PLCB1: variants seen among roughly 807,000 people sequenced by gnomAD.
PLCB1 encodes 1-phosphatidylinositol 4,5-bisphosphate phosphodiesterase beta-1.
A neutral mutation model predicts 161.8 loss-of-function variants in PLCB1; 46 were observed. The observed-to-expected ratio is 0.28, with a 90% confidence interval of 0.22 to 0.36. The LOEUF (loss-of-function observed/expected upper bound fraction) is 0.36. PLCB1 is among the 10% of genes least tolerant of loss of function. PLCB1 has a pLI of 1.00. For synonymous variants in PLCB1, 517 were observed against 503.7 expected (o/e 1.03, Z -0.35); for missense variants, 1,016 against 1,472.5 (o/e 0.69, Z 5.07).
intron 3 of PLCB1, among the ~76,000 whole-genome samples, chr20:8,518,600 G>A (rs1984229876): frequency 6.6e-6 from 1 of 151,862 alleles, no homozygotes. Flanking sequence ...GTACTTATTG[G>A]GCATCTACTA....
chr20:8,517,620 A>G (rs1014979073), intron 3 of PLCB1, among the ~76,000 whole-genome samples: 1 of 152,162 alleles, frequency 6.6e-6, no homozygotes, highest in African/African-American at 2.4e-5. Flanking sequence ...ATTGTAACCT[A>G]AAACTCTGGG....
chr20:8,562,385 G>A (rs985107228), intron 3 of PLCB1, among the ~76,000 whole-genome samples: 1 of 152,118 alleles, frequency 6.6e-6, no homozygotes, highest in Non-Finnish European at 1.5e-5. Context: ...ACAGTAAGCA[G>A]TACTTTGCCT....
intron 1 of PLCB1, among the ~76,000 whole-genome samples, chr20:8,149,068 A>G (rs1309791920): frequency 6.6e-6 from 1 of 152,204 alleles, no homozygotes; most frequent in African/African-American, 2.4e-5. Flanking sequence ...AGTAAATGTT[A>G]TGTTCTGTAT....
At chr20:8,750,342 G>A (rs1981390947) in intron 23 of PLCB1, among the ~76,000 whole-genome samples, 1 of 152,140 alleles carries the variant, frequency 6.6e-6, no homozygotes, top group Admixed American at 6.5e-5. Flanking sequence ...GCTCATTAAA[G>A]CTGTCTCTTG....
chr20:8,788,144 C>A (rs1447941385), intron 27 of PLCB1, among the ~76,000 whole-genome samples: 2 of 152,172 alleles, frequency 1.3e-5, no homozygotes, highest in African/African-American at 4.8e-5. Context: ...GAGATTGGAA[C>A]CAGGTTCTAC....
At chr20:8,460,017 C>T (rs1419151492) in intron 3 of PLCB1, among the ~76,000 whole-genome samples, 2 of 152,182 alleles carry the variant, frequency 1.3e-5, no homozygotes, top group South Asian at 2.1e-4. Flanking sequence ...GTTTTGTCCA[C>T]CTGAACCAGT....
chr20:8,268,339 G>A (rs575208881), intron 2 of PLCB1, among the ~76,000 whole-genome samples: 58 of 152,196 alleles, frequency 3.8e-4, no homozygotes, highest in Non-Finnish European at 7.5e-4. Flanking sequence ...GTATATATGT[G>A]CCACATTTTC....
rs1222914240 is a variant in PLCB1 at position 8,658,649 on chromosome 20, G to C, written c.807G>C (p.Glu269Asp). Residue 269 changes from glutamate (E) to aspartate (D), a missense_variant, in exon 9 of 32, where the codon GAG (glutamate) becomes GAC (aspartate). By Grantham distance (45) the Glu-to-Asp change is conservative. This residue lies in a region of PLCB1 where 117 missense variants were observed against 142.2 expected (regional missense o/e 0.82). Transcript: ENST00000338037. ...NEILYPPLKQ[E>D]QVQVLIEKYE... The stretch of plus-strand genomic sequence containing the variant: ...TACTTTATCCACCTCTAAAACAAGA[G>C]CAAGTCCAAGTATTGATTGAGAAGT... The C allele has an allele frequency of 6.2e-7, 1 of 1,612,942 alleles. No individual in the cohort carries two copies. The highest frequency in any genetic ancestry group is 2.2e-5 in the East Asian group (1 of 44,848).
At chr20:8,406,867 T>C (rs1423990184) in intron 3 of PLCB1, among the ~76,000 whole-genome samples, 4 of 152,178 alleles carry the variant, frequency 2.6e-5, no homozygotes, top group African/African-American at 9.7e-5. Context: ...TTTTAATGAA[T>C]TGTTAGAATG....
intron 31 of PLCB1, among the ~76,000 whole-genome samples, chr20:8,820,252 CAT>C (rs1985276574): frequency 2.7e-5 from 4 of 148,140 alleles, no homozygotes; most frequent in Non-Finnish European, 5.9e-5. Flanking sequence ...TATATTATAA[CAT>C]AGTATTATAT....
intron 3 of PLCB1, among the ~76,000 whole-genome samples, chr20:8,461,015 A>G (rs942909573): frequency 6.6e-5 from 10 of 152,188 alleles, no homozygotes; most frequent in Admixed American, 6.5e-4. Flanking sequence ...GTTAATGAGT[A>G]TTTGAAATGT....
At chr20:8,828,510 C>T (rs541643933) in intron 31 of PLCB1, among the ~76,000 whole-genome samples, 14 of 152,332 alleles carry the variant, frequency 9.2e-5, no homozygotes, top group Non-Finnish European at 1.9e-4. Flanking sequence ...ACAACCATCT[C>T]TTCTCATCTC....
intron 2 of PLCB1, among the ~76,000 whole-genome samples, chr20:8,208,744 G>A (rs1287740977): frequency 1.4e-5 from 2 of 143,110 alleles, no homozygotes; most frequent in Non-Finnish European, 3.0e-5. Flanking sequence ...AATTATAGAT[G>A]AGGATGATAG....
intron 3 of PLCB1, among the ~76,000 whole-genome samples, chr20:8,448,878 T>A (rs1436189793): frequency 6.6e-6 from 1 of 152,146 alleles, no homozygotes. Flanking sequence ...GGAAATTACA[T>A]CTCCTGAAAG....
Position 8,765,320 on chromosome 20 carries a change from C to T in PLCB1, c.2892C>T (p.Ala964=), listed in dbSNP as rs546783466. 9 of 1,612,730 alleles carry T rather than the reference C, an allele frequency of 5.6e-6. No homozygotes were observed. The highest frequency in any genetic ancestry group is 3.3e-5 in the Admixed American group (2 of 59,798). ...EIQNDYLRRR[A]ALEKSAKKDS... ...AGAATGACTACTTGAGAAGGAGAGC[C>T]GCTTTGGAAAAGTCCGCCAAAAAGG... The change falls in exon 26 of 32, where the codon GCC becomes GCT. Residue 964 remains alanine, a synonymous_variant. Transcript: ENST00000338037.
chr20:8,654,515 A>G (rs1367787098), intron 7 of PLCB1, among the ~76,000 whole-genome samples: 1 of 152,090 alleles, frequency 6.6e-6, no homozygotes, highest in Non-Finnish European at 1.5e-5. Context: ...AGAGATTGTC[A>G]TGTCACTCAA....
At chr20:8,533,132 C>T (rs546167216) in intron 3 of PLCB1, among the ~76,000 whole-genome samples, 36 of 151,492 alleles carry the variant, frequency 2.4e-4, no homozygotes, top group African/African-American at 4.4e-4. Context: ...TTTGTCCTTG[C>T]GACAGTTTAC....
At chr20:8,528,121 T>C (rs1216255522) in intron 3 of PLCB1, among the ~76,000 whole-genome samples, 1 of 152,118 alleles carries the variant, frequency 6.6e-6, no homozygotes. Flanking sequence ...GCAGCCACTT[T>C]AGAGGGCTCT....
intron 3 of PLCB1, among the ~76,000 whole-genome samples, chr20:8,436,172 T>C (rs1455353550): frequency 6.6e-6 from 1 of 151,942 alleles, no homozygotes; most frequent in Non-Finnish European, 1.5e-5. Flanking sequence ...CTGTCTCTAC[T>C]AAAAACACAA....
Sources: gnomAD v4.1 joint callset for allele counts (sites outside exome capture counted in the v4.1 genomes callset) on GRCh38, gnomAD v4.1.1 for gene constraint, gnomAD v4.1.1 regional missense constraint, MANE v1.5 for transcripts, NCBI Gene and HGNC (gene_info 2026-07-23, HGNC 2026-07-21) for gene names.